SH3RF2: variants seen among roughly 807,000 people sequenced by gnomAD.
SH3RF2 encodes E3 ubiquitin-protein ligase SH3RF2.
Under a neutral mutation model 59.0 loss-of-function variants are expected in SH3RF2, and 43 were observed. That is an observed-to-expected ratio of 0.73 (90% CI 0.57 to 0.94). The LOEUF is 0.94. Ranked by LOEUF, SH3RF2 falls within the 40% of genes least tolerant of loss-of-function variation. The pLI is 0.00. For missense variants in SH3RF2, 930 were observed against 940.1 expected (o/e 0.99, Z 0.14); for synonymous variants, 391 against 391.5 (o/e 1.00, Z 0.01).
At chr5:146,037,111 G>A (rs546848100) in intron 5 of SH3RF2, among the ~76,000 whole-genome samples, 1 of 152,312 alleles carries the variant, frequency 6.6e-6, no homozygotes, top group South Asian at 2.1e-4. Flanking sequence ...TGTCATAATA[G>A]TGACAATGGT....
chr5:146,056,375 G>A, intron 8 of SH3RF2, 162 bp downstream of exon 8: 1 of 1,231,964 alleles, frequency 8.1e-7, no homozygotes, highest in Non-Finnish European at 1.1e-6. Context: ...ATTGAATGAA[G>A]TCATACCAAC....
chr5:146,034,351 C>G (rs536586528), intron 5 of SH3RF2, among the ~76,000 whole-genome samples: 3 of 152,282 alleles, frequency 2.0e-5, no homozygotes, highest in Admixed American at 2.0e-4. Context: ...CTCCAGGCAC[C>G]ACAGGCTGGG....
chr5:145,947,200 A>G (rs997804633), intron 2 of SH3RF2, among the ~76,000 whole-genome samples: 12 of 150,004 alleles, frequency 8.0e-5, no homozygotes, highest in Non-Finnish European at 1.2e-4. Context: ...TATTTAAATT[A>G]TTTCTGAATA....
At chr5:146,023,970 T>G (rs1761431224) in intron 5 of SH3RF2, among the ~76,000 whole-genome samples, 1 of 152,250 alleles carries the variant, frequency 6.6e-6, no homozygotes, top group African/African-American at 2.4e-5. Context: ...TAACATTCTA[T>G]TGTATGAATA....
chr5:146,018,922 A>T (rs1761209604), intron 5 of SH3RF2, among the ~76,000 whole-genome samples: 1 of 151,976 alleles, frequency 6.6e-6, no homozygotes, highest in Non-Finnish European at 1.5e-5. Flanking sequence ...GGCTGCTTAT[A>T]TATCTTGTGT....
rs1561761747 is a variant in SH3RF2, at chr5:146,047,877, T to C, written c.1151+14T>C. Reference sequence around the variant, plus strand: ...CTCAGCGAACATGTGAGTAAAAGGCTCATCCCTTCACCCAAGTCCTGGCAC... The same window carrying C: ...CTCAGCGAACATGTGAGTAAAAGGCCCATCCCTTCACCCAAGTCCTGGCAC... On this transcript the variant is annotated intron_variant, in intron 6 of 9. Transcript: ENST00000359120. 2 of 1,612,904 alleles carry C rather than the reference T, an allele frequency of 1.2e-6. No homozygotes were observed. The highest frequency in any genetic ancestry group is 2.2e-5 in the East Asian group (1 of 44,876).
At chr5:146,001,348 T>G (rs1332796699) in intron 3 of SH3RF2, among the ~76,000 whole-genome samples, 1 of 152,238 alleles carries the variant, frequency 6.6e-6, no homozygotes, top group African/African-American at 2.4e-5. Context: ...GCAAGGTGTT[T>G]CGTTTTACAA....
intron 2 of SH3RF2, among the ~76,000 whole-genome samples, chr5:145,951,580 G>A (rs899079394): frequency 1.3e-5 from 2 of 152,110 alleles, no homozygotes; most frequent in Admixed American, 6.5e-5. Context: ...CCCACTGAGA[G>A]GCCCACACAA....
At chr5:146,057,132 A>T (rs1465747410) in intron 8 of SH3RF2, among the ~76,000 whole-genome samples, 1 of 152,260 alleles carries the variant, frequency 6.6e-6, no homozygotes, top group South Asian at 2.1e-4. Context: ...CAGATGAATT[A>T]ACATGAAAAC....
chr5:146,045,235 T>G lies in SH3RF2; in HGVS notation c.1060-2537T>G, dbSNP rs149872117. Among the ~76,000 whole-genome samples the G allele has an allele frequency of 3.5e-3, 538 of 152,308 alleles. 10 individuals carry two copies. Among genetic ancestry groups the G allele is most frequent in the Non-Finnish European group, 9.3e-4 (63 of 68,036 alleles). ...GTTTGAAGGAACCAGTGTGACAATA[T>G]CTGATTACAAACTCAGAACACTTTA... On this transcript the variant is annotated intron_variant, in intron 5 of 9. Coordinates refer to ENST00000359120, the MANE Select transcript of SH3RF2 (RefSeq NM_152550.4).
chr5:145,990,675 AC>A (rs1343356173), intron 2 of SH3RF2, among the ~76,000 whole-genome samples: 2 of 152,236 alleles, frequency 1.3e-5, no homozygotes, highest in African/African-American at 4.8e-5. Context: ...TCCAGACCCT[AC>A]TGAGGAGACA....
chr5:146,056,495 C>T (rs1323578054), intron 8 of SH3RF2, among the ~76,000 whole-genome samples: 1 of 152,118 alleles, frequency 6.6e-6, no homozygotes, highest in Non-Finnish European at 1.5e-5. Flanking sequence ...GACACTGGCT[C>T]TTATTAAGAC....
chr5:146,013,903 A>G lies in SH3RF2; in HGVS notation c.901A>G (p.Ile301Val). Residue 301 changes from isoleucine to valine, a missense_variant, in exon 5 of 10, where the codon ATC (isoleucine) becomes GTC (valine). Physicochemically the swap from Ile to Val is conservative, Grantham distance 29. Transcript: ENST00000359120. Reference sequence around the variant, plus strand: ...GAGGAAGGTGCCTGGGCAGTTTTCCATCACAACAGCCTTGAACACTCTCAA... The same window carrying G: ...GAGGAAGGTGCCTGGGCAGTTTTCCGTCACAACAGCCTTGAACACTCTCAA... ...SRRKVPGQFS[I>V]TTALNTLNRM... is the part of the protein sequence containing the mutation. 6.2e-7 allele frequency: 1 copy of G among 1,614,144 alleles called. No individual in the cohort carries two copies. The highest frequency in any genetic ancestry group is 8.5e-7 in the Non-Finnish European group (1 of 1,180,006).
intron 5 of SH3RF2, among the ~76,000 whole-genome samples, chr5:146,027,648 G>A (rs990973213): frequency 1.6e-4 from 24 of 152,230 alleles, no homozygotes; most frequent in Admixed American, 7.9e-4. Flanking sequence ...GTATGTAATG[G>A]AGGGTCCACC....
rs536316147 is a variant in SH3RF2 at position 146,009,868 on chromosome 5, T to C, written c.745-3879T>C. Among the ~76,000 whole-genome samples the C allele has an allele frequency of 9.8e-5, 15 of 152,314 alleles. 3 individuals carry two copies. The highest frequency in any genetic ancestry group is 3.6e-4 in the African/African-American group (15 of 41,578). The stretch of plus-strand genomic sequence containing the variant: ...AAAAGCGACATTCAATAAAATTTTC[T>C]ATCTCAGCTATTTTTTTGTTTTTAT... On this transcript the variant is annotated intron_variant, in intron 4 of 9. Coordinates refer to ENST00000359120, the MANE Select transcript of SH3RF2 (RefSeq NM_152550.4).
At chr5:146,002,497 G>T (rs1760462215) in intron 3 of SH3RF2, among the ~76,000 whole-genome samples, 1 of 148,290 alleles carries the variant, frequency 6.7e-6, no homozygotes, top group Non-Finnish European at 1.5e-5. Flanking sequence ...AGGAAGGAAG[G>T]AAGGAAGGAA....
chr5:146,057,405 G>A (rs1178643091), intron 8 of SH3RF2, among the ~76,000 whole-genome samples: 2 of 151,962 alleles, frequency 1.3e-5, no homozygotes, highest in Non-Finnish European at 2.9e-5. Flanking sequence ...AACAGCCTTG[G>A]GAAAATGACT....
intron 8 of SH3RF2, among the ~76,000 whole-genome samples, chr5:146,057,960 C>CTA (rs1561768369): frequency 1.6e-4 from 13 of 80,086 alleles, no homozygotes; most frequent in African/African-American, 1.2e-4. Flanking sequence ...CTCTCTCTCT[C>CTA]TCTCTCTCTA....
intron 2 of SH3RF2, among the ~76,000 whole-genome samples, chr5:145,995,923 T>A (rs149492235): frequency 8.8e-4 from 134 of 152,348 alleles, no homozygotes; most frequent in African/African-American, 3.2e-3. Flanking sequence ...TTTTTCATTG[T>A]ATGGGTATGG....
Sources: gnomAD v4.1 joint callset for allele counts (sites outside exome capture counted in the v4.1 genomes callset) on GRCh38, gnomAD v4.1.1 for gene constraint, MANE v1.5 for transcripts, NCBI Gene and HGNC (gene_info 2026-07-23, HGNC 2026-07-21) for gene names.